ZNF432: variants seen among roughly 807,000 people sequenced by gnomAD.
ZNF432 encodes the protein zinc finger protein 432.
Under a neutral mutation model 13.9 loss-of-function variants are expected in ZNF432, and 10 were observed. The ratio of observed to expected loss-of-function variants is 0.72; its 90% CI spans 0.44 to 1.22. ZNF432 has a LOEUF of 1.22. Among genes scored for constraint, ZNF432 ranks in the 50% most tolerant of loss-of-function variants. The probability of loss-of-function intolerance (pLI) is 0.00; values close to 1 mark genes in which losing one functional copy is unlikely to be tolerated. For missense variants in ZNF432, 793 were observed against 796.2 expected (o/e 1.00, Z 0.05); for synonymous variants, 247 against 256.2 (o/e 0.96, Z 0.34).
chr19:52,036,029 G>A (rs559974484), intron 4 of ZNF432, among the ~76,000 whole-genome samples: 13 of 152,142 alleles, frequency 8.5e-5, no homozygotes, highest in Admixed American at 2.0e-4. Flanking sequence ...CAAAACATGC[G>A]GACACAGTAA....
chr19:52,047,165 A>G (rs1335860079), intron 1 of ZNF432, 105 bp from the exon 2 acceptor site: 13 of 391,534 alleles, frequency 3.3e-5, no homozygotes, highest in East Asian at 7.6e-5. Context: ...CAAGACCCTC[A>G]ATGTAGGCCA....
intron 3 of ZNF432, among the ~76,000 whole-genome samples, chr19:52,041,221 G>T (rs1411940200): frequency 6.6e-6 from 1 of 152,150 alleles, no homozygotes; most frequent in Non-Finnish European, 1.5e-5. Context: ...TTCAGGAGGA[G>T]GTGTGTGTAG....
intron 2 of ZNF432, among the ~76,000 whole-genome samples, chr19:52,042,028 G>T (rs900700654): frequency 7.9e-5 from 12 of 152,066 alleles, no homozygotes; most frequent in Non-Finnish European, 2.9e-5. Context: ...TTGTTAAATG[G>T]ATTAAAAAAT....
At chr19:52,036,292 G>T (rs1268091081) in intron 4 of ZNF432, among the ~76,000 whole-genome samples, 2 of 152,032 alleles carry the variant, frequency 1.3e-5, no homozygotes, top group South Asian at 2.1e-4. Flanking sequence ...ACAATACGAA[G>T]GAACAAAAAA....
chr19:52,048,182 C>CAA (rs910956223), intron 1 of ZNF432, among the ~76,000 whole-genome samples: 6 of 146,214 alleles, frequency 4.1e-5, no homozygotes, highest in South Asian at 2.1e-4. Flanking sequence ...CACACACACA[C>CAA]AAAACCAGCC....
rs1390607853 is a variant in ZNF432 at position 52,034,255 on chromosome 19, T to C, written c.1424A>G (p.His475Arg). 1.2e-6 allele frequency: 2 copies of C among 1,614,184 alleles called. No homozygotes were observed. The highest frequency in any genetic ancestry group is 2.7e-5 in the African/African-American group (2 of 75,062). The part of the protein sequence containing the change: ...GFPLKSRLIV[H>R]QRTHTGEKPY... ...TTTCTCTCCAGTATGAGTTCGCTGATGTACAATCAGCCGACTCTTCAAGGG... is the reference window on the plus strand; with the variant it reads ...TTTCTCTCCAGTATGAGTTCGCTGACGTACAATCAGCCGACTCTTCAAGGG... Residue 475 changes from histidine (H) to arginine (R), a missense_variant, in exon 5 of 5, where the codon CAT becomes CGT. Transcript: ENST00000221315.
intron 2 of ZNF432, among the ~76,000 whole-genome samples, chr19:52,043,525 C>A (rs2087154386): frequency 6.6e-6 from 1 of 152,068 alleles, no homozygotes; most frequent in Admixed American, 6.5e-5. Context: ...AGGGAAAGAC[C>A]TGACCGTCCC....
intron 1 of ZNF432, among the ~76,000 whole-genome samples, chr19:52,047,647 G>T (rs1268132276): frequency 6.6e-6 from 1 of 150,550 alleles, no homozygotes; most frequent in Admixed American, 6.6e-5. Flanking sequence ...CTCAAGCCTG[G>T]GCGACAAAAG....
chr19:52,044,074 A>C (rs1005719090), intron 2 of ZNF432, among the ~76,000 whole-genome samples: 1 of 152,142 alleles, frequency 6.6e-6, no homozygotes, highest in African/African-American at 2.4e-5. Flanking sequence ...AACACCCACA[A>C]GTGTGGAGGG....
At position 52,048,358 on chromosome 19, in the gene ZNF432, T is replaced by A. The variant is rs1221025630; in HGVS notation, c.-193+337A>T. ...ATTAATCCAGAATGTGAAACAGAAG[T>A]CACATTCGTTGACAAAAGCCACCCC... On this transcript the variant is annotated intron_variant, in intron 1 of 4. Coordinates refer to ENST00000221315, the MANE Select transcript of ZNF432 (RefSeq NM_014650.4). Among the ~76,000 whole-genome samples, 4 of 152,004 alleles carry A rather than the reference T, an allele frequency of 2.6e-5. No individual in the cohort carries two copies. The East Asian group carries it at 7.8e-4, about 29-fold the overall frequency.
chr19:52,040,424 C>T, intron 4 of ZNF432, 64 bp downstream of exon 4: 1 of 1,406,442 alleles, frequency 7.1e-7, no homozygotes, highest in Non-Finnish European at 1.0e-6. Flanking sequence ...TGTCCTCAGA[C>T]ACCCACAGAG....
At position 52,033,136 on chromosome 19, in the gene ZNF432, A is replaced by C. The variant is rs1198793458; in HGVS notation, c.*584T>G. ...AGACTTTTCTGCATTGGATGTATCA[A>C]GTTTATTTCCTACATGTTTATTGTG... On this transcript the variant is annotated 3_prime_UTR_variant, in exon 5 of 5. Coordinates refer to ENST00000221315, the MANE Select transcript of ZNF432 (RefSeq NM_014650.4). 3 of 152,390 alleles carry C rather than the reference A, an allele frequency of 2.0e-5. No homozygotes were observed. The highest frequency in any genetic ancestry group is 7.2e-5 in the African/African-American group (3 of 41,470). The allele number at this position is 152,390 out of a possible 1,614,324, so 9.4% of individuals were successfully genotyped here. A position where few individuals can be genotyped will look rare whatever the true frequency, so the allele number is the denominator to read the frequency against.
At position 52,031,653 on chromosome 19, in the gene ZNF432, G is replaced by C. The variant is rs1027778657; in HGVS notation, c.*2067C>G. The stretch of plus-strand genomic sequence containing the variant: ...TGAAATAACAAAATTAGGGTAATGG[G>C]ATCAGTGGCTACCATGGGTCATATT... On this transcript the variant is annotated 3_prime_UTR_variant, in exon 5 of 5. Transcript: ENST00000221315. The C allele has an allele frequency of 7.2e-5, 11 of 152,168 alleles. No homozygotes were observed. Among genetic ancestry groups the C allele is most frequent in the African/African-American group, 2.7e-4 (11 of 41,430 alleles). 9.4% of individuals were successfully genotyped at this position (152,168 alleles called of 1,614,324 possible). A position where few individuals can be genotyped will look rare whatever the true frequency, so the allele number is the denominator to read the frequency against.
intron 4 of ZNF432, 63 bp from the exon 5 acceptor site, chr19:52,035,503 GA>G (rs890035301): frequency 4.2e-5 from 54 of 1,285,360 alleles, no homozygotes; most frequent in East Asian, 1.0e-4. Context: ...TGTCTTCTTA[GA>G]AAAAAAAATC....
chr19:52,040,476 C>T lies in ZNF432; in HGVS notation c.238+12G>A. 1.2e-6 allele frequency: 2 copies of T among 1,612,072 alleles called. No individual in the cohort carries two copies. The highest frequency in any genetic ancestry group is 1.7e-6 in the Non-Finnish European group (2 of 1,178,134). On this transcript the variant is annotated intron_variant, in intron 4 of 4. Transcript: ENST00000221315. Reference sequence around the variant, plus strand: ...ATAATATTACTTACGCATCTTGCTGCTTCTCACATACCTGGACAGATTCGA... The same window carrying T: ...ATAATATTACTTACGCATCTTGCTGTTTCTCACATACCTGGACAGATTCGA...
chr19:52,033,363 A>G lies in ZNF432; in HGVS notation c.*357T>C. The G allele has an allele frequency of 1.0e-5, 2 of 198,844 alleles. No homozygotes were observed. Among genetic ancestry groups the G allele is most frequent in the South Asian group, 1.1e-4 (1 of 9,104 alleles). The allele number at this position is 198,844 out of a possible 1,614,324, so 12.3% of individuals were successfully genotyped here. A position where few individuals can be genotyped will look rare whatever the true frequency, so the allele number is the denominator to read the frequency against. On this transcript the variant is annotated 3_prime_UTR_variant, in exon 5 of 5. Transcript: ENST00000221315. The stretch of plus-strand genomic sequence containing the variant: ...CTAACGTGGTTTTCTCTCTGCATGA[A>G]TTTGTTTGTATGTAATCAGTTCAGA...
rs199931704 is a variant in ZNF432 at position 52,034,306 on chromosome 19, G to C, written c.1373C>G (p.Thr458Arg). The part of the protein sequence containing the change: ...QRTHTGEKPY[T>R]CSECGKGFPL... ...GAAGCCTTTCCCACATTCACTGCAT[G>C]TGTAGGGCTTCTCTCCTGTATGAGT... The change falls in exon 5 of 5, where the codon ACA becomes AGA. Residue 458 changes from threonine to arginine, a missense_variant. Thr to Arg is a moderately conservative substitution (Grantham distance 71, BLOSUM62 -1). Transcript: ENST00000221315. 4 of 1,607,620 alleles carry C rather than the reference G, an allele frequency of 2.5e-6. No individual in the cohort carries two copies. In the Admixed American group the frequency reaches 6.7e-5, roughly 27 times the overall value.
In ZNF432 at chr19:52,033,827, T is replaced by C. The variant is rs775355600; in HGVS notation, c.1852A>G (p.Thr618Ala). ...MKSRLIVHQR[T>A]HTGEKPFVCS... is the part of the protein sequence containing the mutation. ...ACAAAGGGTTTCTCTCCTGTATGAG[T>C]TCGTTGATGAACAATTAGACGGCTC... The change falls in exon 5 of 5, where the codon ACT (threonine) becomes GCT (alanine). Residue 618 changes from threonine to alanine, a missense_variant. Thr to Ala is a moderately conservative substitution (Grantham distance 58). Transcript: ENST00000221315. 4 of 1,613,996 alleles carry C rather than the reference T, an allele frequency of 2.5e-6. No homozygotes were observed. The highest frequency in any genetic ancestry group is 1.3e-5 in the African/African-American group (1 of 74,920).
At position 52,045,881 on chromosome 19, in the gene ZNF432, G is replaced by A. The variant is rs969952185; in HGVS notation, c.15+973C>T. On this transcript the variant is annotated intron_variant, in intron 2 of 4. Coordinates refer to ENST00000221315, the MANE Select transcript of ZNF432 (RefSeq NM_014650.4). ...ATGCAAGTGCACACCTGTAATCCCA[G>A]CTACTCAGGAAGCTGAGGCAGAAGA... is the stretch of plus-strand genomic sequence containing the variant. Among the ~76,000 whole-genome samples the A allele has an allele frequency of 2.0e-5, 3 of 151,464 alleles. No homozygotes were observed. In the East Asian group the frequency reaches 6.0e-4, roughly 30 times the overall value.
Sources: gnomAD v4.1 joint callset for allele counts (sites outside exome capture counted in the v4.1 genomes callset) on GRCh38, gnomAD v4.1.1 for gene constraint, MANE v1.5 for transcripts, NCBI Gene and HGNC (gene_info 2026-07-23, HGNC 2026-07-21) for gene names.